EDNRA: variants seen among roughly 807,000 people sequenced by gnomAD.
EDNRA encodes endothelin-1 receptor.
EDNRA carries 11 observed loss-of-function variants against 41.4 expected under a neutral mutation model. That is an observed-to-expected ratio of 0.27 (90% CI 0.17 to 0.44). The LOEUF (loss-of-function observed/expected upper bound fraction) is 0.44. Ranked by LOEUF, EDNRA falls within the 20% of genes least tolerant of loss-of-function variation. The pLI is 1.00. For synonymous variants in EDNRA, 172 were observed against 183.0 expected, an observed-to-expected ratio of 0.94 and a Z score of 0.49; for missense variants, 294 against 531.0, an observed-to-expected ratio of 0.55 and a Z score of 4.39.
rs560028779 is a variant in EDNRA at position 147,513,928 on chromosome 4, A to T, written c.421-5923A>T. On this transcript the variant is annotated intron_variant, in intron 2 of 7. Coordinates refer to ENST00000651419, the MANE Select transcript of EDNRA (RefSeq NM_001957.4). Reference sequence around the variant, plus strand: ...AGATGCCATGACAACAACAAAAATAATGTACAAGTAATAGGATTAAGTAGC... The same window carrying T: ...AGATGCCATGACAACAACAAAAATATTGTACAAGTAATAGGATTAAGTAGC... 3.7e-4 allele frequency among the ~76,000 whole-genome samples: 56 copies of T among 152,354 alleles called. 1 individual carries two copies. Among genetic ancestry groups the T allele is most frequent in the Admixed American group, 2.1e-3 (32 of 15,310 alleles).
chr4:147,528,795 A>C (rs1730646610), intron 3 of EDNRA, among the ~76,000 whole-genome samples: 2 of 152,132 alleles, frequency 1.3e-5, no homozygotes, highest in Non-Finnish European at 2.9e-5. Flanking sequence ...GTCTCCAGGG[A>C]AGGCTTCTGT....
intron 4 of EDNRA, among the ~76,000 whole-genome samples, chr4:147,534,461 C>T (rs1482703946): frequency 6.6e-6 from 1 of 152,174 alleles, no homozygotes; most frequent in Non-Finnish European, 1.5e-5. Flanking sequence ...AAAGAAACAA[C>T]ATGTTTATTT....
chr4:147,509,655 T>A (rs1332735918), intron 2 of EDNRA, among the ~76,000 whole-genome samples: 1 of 152,164 alleles, frequency 6.6e-6, no homozygotes, highest in Non-Finnish European at 1.5e-5. Context: ...AGCAGCAGCA[T>A]CAGATTCTCA....
chr4:147,536,648 G>A (rs1730930831), intron 5 of EDNRA, among the ~76,000 whole-genome samples: 1 of 152,170 alleles, frequency 6.6e-6, no homozygotes, highest in African/African-American at 2.4e-5. Context: ...GGAAAAAGGA[G>A]ATGAACCTCT....
At chr4:147,520,412 C>T (rs899581811) in intron 3 of EDNRA, 2 of 519,148 alleles carry the variant, frequency 3.9e-6, no homozygotes, top group Non-Finnish European at 7.7e-6. Context: ...TTCACCCTGC[C>T]TTTTTGAAAG....
At chr4:147,487,810 AC>A (rs1728998795) in intron 2 of EDNRA, among the ~76,000 whole-genome samples, 1 of 152,248 alleles carries the variant, frequency 6.6e-6, no homozygotes, top group African/African-American at 2.4e-5. Flanking sequence ...TAGCATAAAT[AC>A]ATGTGTTTTC....
intron 1 of EDNRA, among the ~76,000 whole-genome samples, chr4:147,485,247 A>G (rs1336666101): frequency 6.6e-6 from 1 of 152,236 alleles, no homozygotes; most frequent in Non-Finnish European, 1.5e-5. Flanking sequence ...AGCTATGTAT[A>G]GAGATGAGTG....
intron 4 of EDNRA, among the ~76,000 whole-genome samples, chr4:147,533,187 A>G (rs535392947): frequency 1.3e-5 from 2 of 152,212 alleles, no homozygotes; most frequent in Non-Finnish European, 2.9e-5. Flanking sequence ...AGAGAGTAGT[A>G]CTTACATGTA....
intron 2 of EDNRA, among the ~76,000 whole-genome samples, chr4:147,518,667 A>T (rs1644869068): frequency 6.6e-6 from 1 of 152,096 alleles, no homozygotes; most frequent in African/African-American, 2.4e-5. Flanking sequence ...TGACCATGGA[A>T]TTAAACCTCA....
At chr4:147,482,472 T>A (rs1271631317) in intron 1 of EDNRA, among the ~76,000 whole-genome samples, 1 of 152,142 alleles carries the variant, frequency 6.6e-6, no homozygotes, top group Non-Finnish European at 1.5e-5. Flanking sequence ...TATGACTGAT[T>A]ATGAGTGATG....
At chr4:147,529,880 G>A (rs2126469174) in intron 3 of EDNRA, among the ~76,000 whole-genome samples, 1 of 152,218 alleles carries the variant, frequency 6.6e-6, no homozygotes. Context: ...TTGTTCTTAT[G>A]GCTGTTTTCC....
At chr4:147,514,990 G>A (rs1396200556) in intron 2 of EDNRA, among the ~76,000 whole-genome samples, 1 of 152,100 alleles carries the variant, frequency 6.6e-6, no homozygotes, top group East Asian at 1.9e-4. Flanking sequence ...GGAACTCTGG[G>A]GATGGGGCCC....
intron 1 of EDNRA, among the ~76,000 whole-genome samples, chr4:147,483,689 G>T (rs1006957723): frequency 2.0e-5 from 3 of 151,512 alleles, no homozygotes; most frequent in Non-Finnish European, 4.4e-5. Context: ...CTCAGAAAAA[G>T]GATTCAATTT....
chr4:147,499,416 C>T (rs1042601743), intron 2 of EDNRA, among the ~76,000 whole-genome samples: 1 of 152,092 alleles, frequency 6.6e-6, no homozygotes, highest in Non-Finnish European at 1.5e-5. Context: ...CATGGTATCC[C>T]ACTAGGCATA....
chr4:147,505,022 T>TAA lies in EDNRA; in HGVS notation c.421-14822_421-14821dup, dbSNP rs57879754. ...ACAGAGAATTCTCAAAACTCAATGG[T>TAA]AAAAAAAATGAATAATCCAAATAGA... On this transcript the variant is annotated intron_variant, in intron 2 of 7. Coordinates refer to ENST00000651419, the MANE Select transcript of EDNRA (RefSeq NM_001957.4). 2.5e-3 allele frequency among the ~76,000 whole-genome samples: 349 copies of TAA among 140,464 alleles called. 1 individual carries two copies. Among genetic ancestry groups the TAA allele is most frequent in the African/African-American group, 8.5e-3 (313 of 36,942 alleles). 92.1% of individuals were successfully genotyped at this position (140,464 alleles called of 152,430 possible).
intron 3 of EDNRA, among the ~76,000 whole-genome samples, chr4:147,528,899 G>A (rs1255526449): frequency 6.6e-6 from 1 of 152,088 alleles, no homozygotes; most frequent in African/African-American, 2.4e-5. Flanking sequence ...GCCACTGGGG[G>A]GTTTGGAGCA....
chr4:147,500,646 C>G (rs1166625888), intron 2 of EDNRA, among the ~76,000 whole-genome samples: 2 of 150,978 alleles, frequency 1.3e-5, no homozygotes, highest in Non-Finnish European at 2.9e-5. Context: ...GAGCCCAGGT[C>G]GAGGCTTCTG....
chr4:147,485,587 A>C (rs1728915442), intron 1 of EDNRA, 25 bp from the exon 2 acceptor site: 2 of 1,442,802 alleles, frequency 1.4e-6, no homozygotes, highest in African/African-American at 2.9e-5. Flanking sequence ...TTTTGGAACA[A>C]AAATTATTTT....
chr4:147,508,964 G>T (rs1729827546), intron 2 of EDNRA, among the ~76,000 whole-genome samples: 1 of 152,118 alleles, frequency 6.6e-6, no homozygotes, highest in Non-Finnish European at 1.5e-5. Context: ...ATTTTAAGAT[G>T]AATTTGTTAG....
Sources: allele counts gnomAD v4.1 joint callset (sites outside exome capture counted in the v4.1 genomes callset), GRCh38; gene constraint gnomAD v4.1.1; transcripts MANE v1.5; gene names NCBI Gene and HGNC (gene_info 2026-07-23, HGNC 2026-07-21).